Variants in ADCY3 observed in about 807,000 individuals in gnomAD.
ADCY3 encodes the protein adenylate cyclase 3.
ADCY3 carries 70 observed loss-of-function variants against 119.4 expected under a neutral mutation model. The observed-to-expected ratio is 0.59, with a 90% CI of 0.48 to 0.72. The LOEUF is 0.72. ADCY3 is among the 30% of genes least tolerant of loss of function. The probability of loss-of-function intolerance (pLI) is 0.00; values close to 1 mark genes in which losing one functional copy is unlikely to be tolerated. For synonymous variants in ADCY3, 672 were observed against 621.4 expected (o/e 1.08, Z -1.21); for missense variants, 1,238 against 1,541.6 (o/e 0.80, Z 3.30).
chr2:24,852,412 G>A (rs7608976), intron 3 of ADCY3, among the ~76,000 whole-genome samples: 79,819 of 152,036 alleles, frequency 0.53, 23,842 homozygotes, highest in African/African-American at 0.83. Context: ...AGAGAAGAGG[G>A]AGCGGAGGAG....
At chr2:24,876,893 C>T (rs995535155) in intron 2 of ADCY3, among the ~76,000 whole-genome samples, 3 of 152,198 alleles carry the variant, frequency 2.0e-5, no homozygotes, top group Admixed American at 6.5e-5. Flanking sequence ...ATTAATTTTC[C>T]GGTGTTCCCA....
At chr2:24,848,715 A>G (rs934013658) in intron 3 of ADCY3, among the ~76,000 whole-genome samples, 10 of 152,224 alleles carry the variant, frequency 6.6e-5, no homozygotes, top group Non-Finnish European at 1.5e-4. Flanking sequence ...CTACAGTCAC[A>G]TGATAGAAAG....
chr2:24,828,235 G>A, intron 13 of ADCY3, 74 bp from the exon 14 acceptor site: 1 of 1,537,882 alleles, frequency 6.5e-7, no homozygotes, highest in East Asian at 2.3e-5. Context: ...GGCTGTGCAT[G>A]GTAGTGCACG....
chr2:24,915,540 T>C (rs1457282818), intron 2 of ADCY3, among the ~76,000 whole-genome samples: 1 of 152,058 alleles, frequency 6.6e-6, no homozygotes, highest in Non-Finnish European at 1.5e-5. Flanking sequence ...CTTGTGTTTT[T>C]TGTTGTTTTT....
rs569035774 is a variant in ADCY3, at chr2:24,882,886, G to A, written c.676-10167C>T. Among the ~76,000 whole-genome samples the A allele has an allele frequency of 2.3e-3, 344 of 152,164 alleles. 4 individuals are homozygous for A. The highest frequency in any genetic ancestry group is 7.9e-3 in the African/African-American group (326 of 41,500). On this transcript the variant is annotated intron_variant, in intron 2 of 21. Transcript: ENST00000679454. ...AGCCTGGGCAACTTGGTGAAACCCC[G>A]TCTCTACTAAAAATACAAAAATTAG...
intron 9 of ADCY3, among the ~76,000 whole-genome samples, chr2:24,835,766 TCTTTA>T (rs1434692936): frequency 6.6e-6 from 1 of 152,056 alleles, no homozygotes; most frequent in African/African-American, 2.4e-5. Context: ...TGAAACTCCA[TCTTTA>T]CTAAAAATAC....
intron 2 of ADCY3, among the ~76,000 whole-genome samples, chr2:24,876,118 G>T (rs188263675): frequency 1.3e-5 from 2 of 152,246 alleles, no homozygotes; most frequent in East Asian, 3.9e-4. Flanking sequence ...TCAGCCTCTT[G>T]AGTAGCTGGG....
Position 24,841,815 on chromosome 2 carries a change from C to A in ADCY3, c.957-148G>T, listed in dbSNP as rs1671050547. The A allele has an allele frequency of 1.5e-6, 1 of 645,658 alleles. No individual in the cohort carries two copies. Among genetic ancestry groups the A allele is most frequent in the South Asian group, 1.9e-5 (1 of 52,366 alleles). The allele number at this position is 645,658 out of a possible 1,614,324, so 40.0% of individuals were successfully genotyped here. A position where few individuals can be genotyped will look rare whatever the true frequency, so the allele number is the denominator to read the frequency against. ...CGACCCCCAGACAGTGAGACCCTGACCCTTCCAGGTAAAGTCAGGGCTCTG... is the reference window on the plus strand; with the variant it reads ...CGACCCCCAGACAGTGAGACCCTGAACCTTCCAGGTAAAGTCAGGGCTCTG... On this transcript the variant is annotated intron_variant, in intron 4 of 21. Transcript: ENST00000679454. This position sits in a 1 kb window ranked among gnomAD's most constrained non-coding sequence, Gnocchi z 5.8.
At chr2:24,907,860 G>T (rs1448141611) in intron 2 of ADCY3, among the ~76,000 whole-genome samples, 2 of 151,396 alleles carry the variant, frequency 1.3e-5, no homozygotes, top group African/African-American at 4.9e-5. Flanking sequence ...CGGGTGTGGT[G>T]GTGAGCTCCT....
intron 2 of ADCY3, among the ~76,000 whole-genome samples, chr2:24,886,053 C>T (rs1676984539): frequency 6.6e-6 from 1 of 152,210 alleles, no homozygotes; most frequent in Non-Finnish European, 1.5e-5. Flanking sequence ...CAATAAAATC[C>T]ATGTTTGTAT....
intron 20 of ADCY3, 189 bp from the exon 21 acceptor site, chr2:24,821,037 G>T: frequency 1.3e-6 from 1 of 760,928 alleles, no homozygotes; most frequent in Non-Finnish European, 2.0e-6. Flanking sequence ...CTTGTTAGGT[G>T]TCAGCCGCCA....
Position 24,820,717 on chromosome 2 carries a change from G to A in ADCY3, c.3252+7C>T. On this transcript the variant is annotated splice_region_variant and intron_variant, in intron 21 of 21. Coordinates refer to ENST00000679454, the MANE Select transcript of ADCY3 (RefSeq NM_004036.5). ...TGAGCACGTGCCAGCTGTGCCACTG[G>A]ACATACCTGAATGTTGCCCATGACC... 1 of 1,614,004 alleles carries A rather than the reference G, an allele frequency of 6.2e-7. No homozygotes were observed. Among genetic ancestry groups the A allele is most frequent in the Non-Finnish European group, 8.5e-7 (1 of 1,179,940 alleles).
chr2:24,866,564 C>CAAAAAAAAA (rs71397449), intron 3 of ADCY3, among the ~76,000 whole-genome samples: 1 of 46,540 alleles, frequency 2.1e-5, no homozygotes. Flanking sequence ...GACCCTGTCT[C>CAAAAAAAAA]AAAAAAAAAA....
At position 24,838,449 on chromosome 2, in the gene ADCY3, C is replaced by A; in HGVS notation, c.1529G>T (p.Gly510Val). ...GGGGTGGGGTGGGGAACTCACCGAG[C>A]CATTGAGGCCATTCTGGGTGGCTGT... ...KKTATQNGLN[G>V]SALPNGAPAS... The change falls in exon 8 of 22, where the codon GGC becomes GTC. Residue 510 changes from glycine to valine, a missense_variant. By Grantham distance (109) the Gly-to-Val change is moderately radical. This residue lies in a region of ADCY3 where 499 missense variants were observed against 571.0 expected (regional missense o/e 0.87). Coordinates refer to ENST00000679454, the MANE Select transcript of ADCY3 (RefSeq NM_004036.5). 1 of 1,612,328 alleles carries A rather than the reference C, an allele frequency of 6.2e-7. No homozygotes were observed. The highest frequency in any genetic ancestry group is 8.5e-7 in the Non-Finnish European group (1 of 1,179,856).
At chr2:24,862,143 G>A (rs1415654443) in intron 3 of ADCY3, among the ~76,000 whole-genome samples, 2 of 152,132 alleles carry the variant, frequency 1.3e-5, no homozygotes, top group Non-Finnish European at 2.9e-5. Flanking sequence ...CCACCACAAG[G>A]TGAGGCTGGA....
intron 15 of ADCY3, 37 bp downstream of exon 15, chr2:24,827,509 G>T (rs993760930): frequency 1.0e-5 from 16 of 1,562,264 alleles, no homozygotes; most frequent in Non-Finnish European, 1.3e-5. Flanking sequence ...AAGAAGGGCT[G>T]TGAGTGCAGG....
chr2:24,823,329 CTCA>C lies in ADCY3; in HGVS notation c.2760_2762del (p.Asp920del), dbSNP rs1668060670. The C allele has an allele frequency of 1.2e-6, 2 of 1,613,678 alleles. No homozygotes were observed. Among genetic ancestry groups the C allele is most frequent in the South Asian group, 1.1e-5 (1 of 91,018 alleles). On this transcript the variant is annotated inframe_deletion, in exon 18 of 22. Transcript: ENST00000679454. ...GCAGGGAGGCAAACATGACTCCAAT[CTCA>C]TCATACGTCTGGCTATACAGCTCCT...
intron 2 of ADCY3, among the ~76,000 whole-genome samples, chr2:24,910,385 A>G (rs1434538717): frequency 6.6e-6 from 1 of 151,962 alleles, no homozygotes; most frequent in Non-Finnish European, 1.5e-5. Context: ...TGTAGAGACA[A>G]GAGTTTTGCC....
At chr2:24,826,386 T>C in intron 15 of ADCY3, 2 of 434,270 alleles carry the variant, frequency 4.6e-6, no homozygotes, top group Middle Eastern at 1.2e-3. Flanking sequence ...TCCCCAGGTA[T>C]TTAAGAAACA....
Sources: allele counts gnomAD v4.1 joint callset (sites outside exome capture counted in the v4.1 genomes callset), GRCh38; gene constraint gnomAD v4.1.1; regional missense constraint gnomAD v4.1.1; non-coding constraint Gnocchi (gnomAD v3.1); transcripts MANE v1.5; gene names NCBI Gene and HGNC (gene_info 2026-07-23, HGNC 2026-07-21).